Variants in SLC35F3 observed in about 807,000 individuals in gnomAD.
The protein encoded by SLC35F3 is solute carrier family 35 member F3.
SLC35F3 carries 25 observed loss-of-function variants against 49.9 expected under a neutral mutation model. That is an observed-to-expected ratio of 0.50 (90% CI 0.37 to 0.70). The LOEUF is 0.70. Among genes scored for constraint, SLC35F3 ranks in the 30% least tolerant of loss-of-function variants. The pLI, the probability that SLC35F3 is intolerant of heterozygous loss-of-function variation, is 0.00. For synonymous variants in SLC35F3, 275 were observed against 265.4 expected (o/e 1.04, Z -0.35); for missense variants, 525 against 639.8 (o/e 0.82, Z 1.94).
chr1:233,911,061 G>T (rs1372299147), intron 2 of SLC35F3, among the ~76,000 whole-genome samples: 2 of 152,148 alleles, frequency 1.3e-5, no homozygotes, highest in African/African-American at 2.4e-5. Flanking sequence ...TGGTGACAAG[G>T]AAATTGCATG....
At chr1:234,012,870 A>C (rs1055340528) in intron 2 of SLC35F3, among the ~76,000 whole-genome samples, 5 of 152,224 alleles carry the variant, frequency 3.3e-5, no homozygotes, top group Non-Finnish European at 5.9e-5. Context: ...GAAGAGATAG[A>C]CTCAATATTA....
intron 2 of SLC35F3, among the ~76,000 whole-genome samples, chr1:233,964,793 T>C (rs2186103): frequency 0.82 from 125,370 of 152,178 alleles, 51,745 homozygotes; most frequent in South Asian, 0.88. Context: ...TTGAGGGCTG[T>C]GCCATCCTGG....
chr1:234,044,488 T>C (rs1251375839), intron 2 of SLC35F3, among the ~76,000 whole-genome samples: 1 of 152,170 alleles, frequency 6.6e-6, no homozygotes, highest in African/African-American at 2.4e-5. Flanking sequence ...TTGAAAGAAA[T>C]ATGTTCCTTT....
chr1:234,096,877 G>T (rs982175383), intron 2 of SLC35F3, among the ~76,000 whole-genome samples: 15 of 144,072 alleles, frequency 1.0e-4, no homozygotes, highest in Admixed American at 7.6e-4. Context: ...AATCTACTTT[G>T]TTAAATTCTT....
At chr1:234,095,874 G>T (rs1665109213) in intron 2 of SLC35F3, among the ~76,000 whole-genome samples, 1 of 152,206 alleles carries the variant, frequency 6.6e-6, no homozygotes, top group African/African-American at 2.4e-5. Context: ...TTGGAAATGT[G>T]CCTGGCACAT....
intron 2 of SLC35F3, among the ~76,000 whole-genome samples, chr1:234,140,909 G>A (rs778433975): frequency 6.6e-6 from 1 of 152,190 alleles, no homozygotes. Context: ...GTTGGCAAAA[G>A]GGTTTACTTA....
chr1:233,989,791 T>C (rs1364388037), intron 2 of SLC35F3, among the ~76,000 whole-genome samples: 2 of 152,188 alleles, frequency 1.3e-5, no homozygotes, highest in African/African-American at 2.4e-5. Context: ...TATATAAATA[T>C]CTGACCTTCT....
At chr1:234,112,778 T>C (rs1394853971) in intron 2 of SLC35F3, among the ~76,000 whole-genome samples, 1 of 126,592 alleles carries the variant, frequency 7.9e-6, no homozygotes, top group Non-Finnish European at 1.6e-5. Flanking sequence ...GGGTTTCACC[T>C]GTTAGCCAGG....
intron 2 of SLC35F3, among the ~76,000 whole-genome samples, chr1:233,921,516 C>T (rs1662058625): frequency 6.6e-6 from 1 of 152,170 alleles, no homozygotes; most frequent in Non-Finnish European, 1.5e-5. Context: ...AGTTTCACTG[C>T]CCTAAAAAAT....
At position 233,946,188 on chromosome 1, in the gene SLC35F3, G is replaced by A. The variant is rs1420636756; in HGVS notation, c.283+40430G>A. 7.6e-4 allele frequency among the ~76,000 whole-genome samples: 116 copies of A among 152,200 alleles called. 1 individual carries two copies. Among genetic ancestry groups the A allele is most frequent in the Non-Finnish European group, 1.5e-5 (1 of 68,042 alleles). The stretch of plus-strand genomic sequence containing the variant: ...CGGAAAAGAGTGCTGGAGCAGTCAC[G>A]GTGTACAACTGCTCAAGCTTTAGCA... On this transcript the variant is annotated intron_variant, in intron 2 of 7. Coordinates refer to ENST00000366618, the MANE Select transcript of SLC35F3 (RefSeq NM_173508.4).
intron 2 of SLC35F3, among the ~76,000 whole-genome samples, chr1:234,102,138 C>A (rs958676597): frequency 6.6e-6 from 1 of 152,180 alleles, no homozygotes; most frequent in East Asian, 1.9e-4. Context: ...TTACTTTCCC[C>A]CTTTCCATGT....
intron 2 of SLC35F3, among the ~76,000 whole-genome samples, chr1:234,226,766 T>A (rs1362532016): frequency 6.6e-6 from 1 of 152,080 alleles, no homozygotes. Flanking sequence ...CTTTCTCTCT[T>A]TGGTCAAGAG....
chr1:234,188,764 C>A (rs1666685523), intron 2 of SLC35F3, among the ~76,000 whole-genome samples: 1 of 152,094 alleles, frequency 6.6e-6, no homozygotes, highest in Admixed American at 6.5e-5. Context: ...CAATAAACAA[C>A]AATAATATAA....
chr1:234,028,551 C>A (rs1558209477), intron 2 of SLC35F3, among the ~76,000 whole-genome samples: 1 of 152,162 alleles, frequency 6.6e-6, no homozygotes, highest in Non-Finnish European at 1.5e-5. Context: ...AGGCTGGAGA[C>A]TGGGGCAAGC....
Position 234,309,082 on chromosome 1 carries a change from C to T in SLC35F3, c.609-19C>T. ...GAACCCAGGAAAATAATAACGATGC[C>T]TCTCTTTCCTTGTTTTAGGGAATGC... is the stretch of plus-strand genomic sequence containing the variant. On this transcript the variant is annotated intron_variant, in intron 3 of 7. Transcript: ENST00000366618. 1 of 1,606,900 alleles carries T rather than the reference C, an allele frequency of 6.2e-7. No individual in the cohort carries two copies. Among genetic ancestry groups the T allele is most frequent in the Non-Finnish European group, 8.5e-7 (1 of 1,174,050 alleles).
At chr1:234,011,707 C>T (rs889432644) in intron 2 of SLC35F3, among the ~76,000 whole-genome samples, 4 of 152,152 alleles carry the variant, frequency 2.6e-5, no homozygotes, top group African/African-American at 9.7e-5. Context: ...CAGACAGTGG[C>T]CCTAGCCCAA....
intron 4 of SLC35F3, among the ~76,000 whole-genome samples, chr1:234,310,704 G>T (rs1657331810): frequency 6.6e-6 from 1 of 152,140 alleles, no homozygotes; most frequent in Non-Finnish European, 1.5e-5. Context: ...GAAATTTTTG[G>T]CATGACTCAG....
intron 2 of SLC35F3, among the ~76,000 whole-genome samples, chr1:234,030,887 C>A (rs559970745): frequency 4.6e-5 from 7 of 152,280 alleles, no homozygotes; most frequent in Non-Finnish European, 8.8e-5. Context: ...CTTGTGAAGT[C>A]TGTGCCACTT....
At chr1:234,022,206 C>T (rs539249197) in intron 2 of SLC35F3, among the ~76,000 whole-genome samples, 4 of 115,448 alleles carry the variant, frequency 3.5e-5, no homozygotes, top group East Asian at 2.3e-4. Flanking sequence ...GGCTAAGGTC[C>T]GGGGTCACTC....
Sources: gnomAD v4.1 joint callset for allele counts (sites outside exome capture counted in the v4.1 genomes callset) on GRCh38, gnomAD v4.1.1 for gene constraint, MANE v1.5 for transcripts, NCBI Gene and HGNC (gene_info 2026-07-23, HGNC 2026-07-21) for gene names.